SMYD3: variants seen among roughly 807,000 people sequenced by gnomAD.
The protein encoded by SMYD3 is histone-lysine N-methyltransferase SMYD3.
Under a neutral mutation model 57.7 loss-of-function variants are expected in SMYD3, and 36 were observed. The ratio of observed to expected loss-of-function variants is 0.62; its 90% CI spans 0.48 to 0.82. The LOEUF is 0.82. Among genes scored for constraint, SMYD3 ranks in the 40% least tolerant of loss-of-function variants. SMYD3 has a pLI of 0.00. For missense variants in SMYD3, 515 were observed against 538.8 expected, an observed-to-expected ratio of 0.96 and a Z score of 0.44; for synonymous variants, 211 against 195.0, an observed-to-expected ratio of 1.08 and a Z score of -0.68.
intron 5 of SMYD3, among the ~76,000 whole-genome samples, chr1:245,973,431 A>G (rs1300209770): frequency 6.6e-6 from 1 of 152,232 alleles, no homozygotes; most frequent in Non-Finnish European, 1.5e-5. Context: ...CCAACGAGGT[A>G]CCAGGTATTT....
At chr1:245,854,231 G>T (rs1289888375) in intron 10 of SMYD3, among the ~76,000 whole-genome samples, 1 of 152,204 alleles carries the variant, frequency 6.6e-6, no homozygotes, top group Non-Finnish European at 1.5e-5. Flanking sequence ...TGAGGAAAGA[G>T]TGACATTTTA....
intron 8 of SMYD3, among the ~76,000 whole-genome samples, chr1:245,900,210 C>T (rs1210166546): frequency 2.6e-5 from 4 of 152,120 alleles, no homozygotes; most frequent in Admixed American, 2.6e-4. Context: ...TACCCAAAAT[C>T]CATTTAACAC....
chr1:245,766,127 G>A (rs1323838772), intron 10 of SMYD3, among the ~76,000 whole-genome samples: 2 of 152,072 alleles, frequency 1.3e-5, no homozygotes. Flanking sequence ...AAAAGGGGCT[G>A]GGCGCGGCGG....
At chr1:246,104,200 T>A (rs1027491446) in intron 5 of SMYD3, among the ~76,000 whole-genome samples, 1 of 152,154 alleles carries the variant, frequency 6.6e-6, no homozygotes, top group Admixed American at 6.5e-5. Context: ...CTAACAAAGC[T>A]CCAAGATGGA....
chr1:246,115,743 A>T (rs2061331886), intron 5 of SMYD3, among the ~76,000 whole-genome samples: 2 of 152,206 alleles, frequency 1.3e-5, no homozygotes, highest in Admixed American at 1.3e-4. Flanking sequence ...CTTTTATACA[A>T]CTAGTGCTCA....
intron 10 of SMYD3, among the ~76,000 whole-genome samples, chr1:245,769,800 C>T (rs1004114612): frequency 3.3e-5 from 5 of 152,078 alleles, no homozygotes; most frequent in South Asian, 2.1e-4. Context: ...ATGCACAAGA[C>T]GTTAGTTCCA....
chr1:246,244,811 G>A (rs1241987166), intron 5 of SMYD3, among the ~76,000 whole-genome samples: 1 of 152,058 alleles, frequency 6.6e-6, no homozygotes, highest in Non-Finnish European at 1.5e-5. Context: ...TTTACTATCT[G>A]GCTACAGCAG....
chr1:246,236,370 T>C (rs1021117067), intron 5 of SMYD3, among the ~76,000 whole-genome samples: 3 of 151,978 alleles, frequency 2.0e-5, no homozygotes, highest in Admixed American at 6.6e-5. Flanking sequence ...GCTGGGATTA[T>C]AGACACATCC....
chr1:245,827,453 C>T (rs902617718), intron 10 of SMYD3, among the ~76,000 whole-genome samples: 7 of 152,202 alleles, frequency 4.6e-5, no homozygotes, highest in South Asian at 2.1e-4. Flanking sequence ...CTCCGGCCCA[C>T]GTGACCTCTC....
At chr1:246,032,555 A>G (rs2059697096) in intron 5 of SMYD3, among the ~76,000 whole-genome samples, 1 of 152,196 alleles carries the variant, frequency 6.6e-6, no homozygotes, top group South Asian at 2.1e-4. Context: ...ACAACCTCTC[A>G]CCAAAGATGG....
chr1:246,486,720 T>C (rs181192895), intron 1 of SMYD3, among the ~76,000 whole-genome samples: 1 of 152,318 alleles, frequency 6.6e-6, no homozygotes, highest in Admixed American at 6.5e-5. Context: ...GTCCTATTTT[T>C]CAGTATACCA....
At chr1:245,751,667 C>G (rs1572239685) in intron 11 of SMYD3, among the ~76,000 whole-genome samples, 1 of 152,192 alleles carries the variant, frequency 6.6e-6, no homozygotes, top group Non-Finnish European at 1.5e-5. Flanking sequence ...CCTGGCCTCT[C>G]AGCCTGGAAG....
chr1:246,462,254 GTGCATCCTCCCGCGGGGCC>G (rs2067810663), intron 1 of SMYD3, among the ~76,000 whole-genome samples: 1 of 82,280 alleles, frequency 1.2e-5, no homozygotes, highest in East Asian at 5.9e-4. Flanking sequence ...GCTGGGTACA[GTGCATCCTCCCGCGGGGCC>G]TGCTGGGTAC....
At chr1:246,117,884 AT>A (rs1315043036) in intron 5 of SMYD3, among the ~76,000 whole-genome samples, 1 of 151,980 alleles carries the variant, frequency 6.6e-6, no homozygotes, top group East Asian at 1.9e-4. Context: ...GTCAAATTAC[AT>A]ATTCTTTCTG....
chr1:245,817,613 C>T (rs1165464707), intron 10 of SMYD3, among the ~76,000 whole-genome samples: 25 of 152,022 alleles, frequency 1.6e-4, no homozygotes, highest in Middle Eastern at 6.8e-3. Context: ...TATGGGAGGA[C>T]ATTCAAACCA....
chr1:246,140,052 C>A (rs1466626475), intron 5 of SMYD3, among the ~76,000 whole-genome samples: 1 of 152,154 alleles, frequency 6.6e-6, no homozygotes, highest in African/African-American at 2.4e-5. Flanking sequence ...ATGGACAAAT[C>A]ATTCTTTAGT....
intron 5 of SMYD3, among the ~76,000 whole-genome samples, chr1:246,245,252 G>C (rs2063683266): frequency 6.6e-6 from 1 of 151,864 alleles, no homozygotes; most frequent in Non-Finnish European, 1.5e-5. Context: ...AGACCAGCCT[G>C]GACAACATGG....
chr1:245,858,779 ACCCGTTATTTTTCACAGATGAG>A, intron 9 of SMYD3, 109 bp from the exon 10 acceptor site: 1 of 1,138,506 alleles, frequency 8.8e-7, no homozygotes, highest in Non-Finnish European at 1.2e-6. Context: ...CGAGGGAAGC[ACCCGTTATTTTTCACAGATGAG>A]CTGCCTGAAA....
At chr1:246,319,125 G>A (rs2065208437) in intron 5 of SMYD3, among the ~76,000 whole-genome samples, 1 of 152,176 alleles carries the variant, frequency 6.6e-6, no homozygotes, top group Admixed American at 6.5e-5. Context: ...TCAATCTGTT[G>A]TAATAAAGAC....
Sources: allele counts gnomAD v4.1 joint callset (sites outside exome capture counted in the v4.1 genomes callset), GRCh38; gene constraint gnomAD v4.1.1; transcripts MANE v1.5; gene names NCBI Gene and HGNC (gene_info 2026-07-23, HGNC 2026-07-21).